The following AGL variants were observed in gnomAD, a reference collection of about 807,000 sequenced individuals.
AGL encodes glycogen debranching enzyme.
A neutral mutation model predicts 199.3 loss-of-function variants in AGL; 128 were observed. That is an observed-to-expected ratio of 0.64 (90% CI 0.56 to 0.74). The LOEUF (loss-of-function observed/expected upper bound fraction) is 0.74. Ranked by LOEUF, AGL falls within the 30% of genes least tolerant of loss-of-function variation. The pLI is 0.00. For synonymous variants in AGL, 584 were observed against 594.7 expected (o/e 0.98, Z 0.26); for missense variants, 1,809 against 1,820.8 (o/e 0.99, Z 0.12).
At chr1:99,892,833 C>CTT in intron 24 of AGL, among the ~76,000 whole-genome samples, 1 of 151,622 alleles carries the variant, frequency 6.6e-6, no homozygotes, top group East Asian at 1.9e-4. Flanking sequence ...CTAGCTGATT[C>CTT]TTCATGTTTC....
At chr1:99,852,980 C>T (rs550954766) in intron 2 of AGL, among the ~76,000 whole-genome samples, 3 of 152,114 alleles carry the variant, frequency 2.0e-5, no homozygotes, top group Non-Finnish European at 4.4e-5. Flanking sequence ...CTGTTTATTT[C>T]GTGGCATCTC....
rs768562668 is a variant in AGL, at chr1:99,892,627, G to A, written c.3259+20G>A. On this transcript the variant is annotated intron_variant, in intron 24 of 33. Transcript: ENST00000361915. ...CTGCAGGTAAGGAATTATGTACAAG[G>A]TTAAAATATGTAAATCGATAGTATT... 1 of 1,608,402 alleles carries A rather than the reference G, an allele frequency of 6.2e-7. No individual in the cohort carries two copies.
chr1:99,913,152 G>A (rs749423039), intron 29 of AGL, among the ~76,000 whole-genome samples: 47 of 152,094 alleles, frequency 3.1e-4, no homozygotes, highest in Non-Finnish European at 6.0e-4. Flanking sequence ...CCCAGGAAGC[G>A]GAGGTTGCGG....
chr1:99,904,900 C>CTAATACAA (rs1654138635), intron 27 of AGL, among the ~76,000 whole-genome samples: 1 of 152,122 alleles, frequency 6.6e-6, no homozygotes, highest in African/African-American at 2.4e-5. Flanking sequence ...GGGTTGTTTT[C>CTAATACAA]ATGTTTTGGC....
rs567792800 is a variant in AGL, at chr1:99,877,557, G to A, written c.1424-84G>A. ...ATCATTTATGGCAGAAATGATCAAA[G>A]CAATTTAAAAACCAGTGTTTCCTTG... On this transcript the variant is annotated intron_variant, in intron 11 of 33. Coordinates refer to ENST00000361915, the MANE Select transcript of AGL (RefSeq NM_000642.3). 127 of 1,258,646 alleles carry A rather than the reference G, an allele frequency of 1.0e-4. 1 individual carries two copies. In the South Asian group the frequency reaches 1.5e-3, roughly 15 times the overall value. The allele number at this position is 1,258,646 out of a possible 1,614,324, so 78.0% of individuals were successfully genotyped here. A position where few individuals can be genotyped will look rare whatever the true frequency, so the allele number is the denominator to read the frequency against.
chr1:99,915,263 C>T, intron 30 of AGL, 126 bp from the exon 31 acceptor site: 2 of 792,596 alleles, frequency 2.5e-6, no homozygotes, highest in Non-Finnish European at 4.4e-6. Context: ...TAGGCATCTA[C>T]ACTCAAATTC....
At position 99,915,392 on chromosome 1, in the gene AGL, C is replaced by G; in HGVS notation, c.4165C>G (p.Pro1389Ala). 1 of 1,613,300 alleles carries G rather than the reference C, an allele frequency of 6.2e-7. No individual in the cohort carries two copies. The highest frequency in any genetic ancestry group is 1.1e-5 in the South Asian group (1 of 91,066). ...ATTTGTTTTTGGCATTCACTAGGCC[C>G]CTGAGCTCTTTACTACAGAAAAAGC... is the stretch of plus-strand genomic sequence containing the variant. ...PNFTIAMVVA[P>A]ELFTTEKAWK... is the part of the protein sequence containing the mutation. The change falls in exon 31 of 34, where the codon CCT (proline) becomes GCT (alanine). Residue 1389 changes from proline to alanine, a missense_variant. Physicochemically the swap from Pro to Ala is conservative, Grantham distance 27. Transcript: ENST00000361915.
intron 20 of AGL, among the ~76,000 whole-genome samples, chr1:99,886,466 C>T (rs1412129199): frequency 6.7e-6 from 1 of 148,698 alleles, no homozygotes; most frequent in African/African-American, 2.5e-5. Flanking sequence ...GCCTGGGCAA[C>T]AGAGCAAGAC....
chr1:99,867,580 G>C (rs1328761020), intron 5 of AGL, among the ~76,000 whole-genome samples: 1 of 150,782 alleles, frequency 6.6e-6, no homozygotes, highest in East Asian at 1.9e-4. Context: ...TTTTGAGACG[G>C]AGTCTCCTTC....
chr1:99,852,008 T>A (rs1017013161), intron 2 of AGL, among the ~76,000 whole-genome samples: 1 of 152,236 alleles, frequency 6.6e-6, no homozygotes, highest in Admixed American at 6.5e-5. Flanking sequence ...CTTTCCTGAC[T>A]CTGCACTTTT....
At chr1:99,856,435 TG>T (rs1406048812) in intron 2 of AGL, among the ~76,000 whole-genome samples, 32 of 150,470 alleles carry the variant, frequency 2.1e-4, no homozygotes, top group African/African-American at 6.8e-4. Flanking sequence ...TTTCTTTTCT[TG>T]TATTTATTTA....
intron 7 of AGL, among the ~76,000 whole-genome samples, chr1:99,874,263 A>T (rs1347636493): frequency 3.3e-5 from 5 of 151,348 alleles, no homozygotes; most frequent in Admixed American, 3.3e-4. Flanking sequence ...TGTTTAAAAA[A>T]AAAAAAGGTA....
intron 4 of AGL, among the ~76,000 whole-genome samples, chr1:99,863,255 A>G (rs1035192025): frequency 2.0e-5 from 3 of 151,696 alleles, no homozygotes; most frequent in African/African-American, 7.3e-5. Flanking sequence ...CATTTTTGAT[A>G]CTTAACCATT....
At position 99,881,347 on chromosome 1, in the gene AGL, C is replaced by T. The variant is rs1652007941; in HGVS notation, c.2057C>T (p.Pro686Leu). The T allele has an allele frequency of 6.2e-7, 1 of 1,614,104 alleles. No individual in the cohort carries two copies. The highest frequency in any genetic ancestry group is 8.5e-7 in the Non-Finnish European group (1 of 1,180,006). Residue 686 changes from proline to leucine, a missense_variant, in exon 16 of 34, where the codon CCT becomes CTT. Pro to Leu is a moderately conservative substitution (Grantham distance 98, BLOSUM62 -3). Transcript: ENST00000361915. ...ACTAAGTGGAATCCTGAAGCATTGC[C>T]TTCAAACACAGGTGAAGTTAATTTC... ...FYTKWNPEAL[P>L]SNTGEVNFQS... is the part of the protein sequence containing the mutation.
chr1:99,861,026 A>G (rs1382189778), intron 2 of AGL, among the ~76,000 whole-genome samples: 3 of 152,220 alleles, frequency 2.0e-5, no homozygotes, highest in Admixed American at 1.3e-4. Flanking sequence ...CTTTCTCAGT[A>G]TGGTGAGATA....
intron 4 of AGL, among the ~76,000 whole-genome samples, chr1:99,863,803 G>T (rs1304619405): frequency 7.0e-6 from 1 of 142,804 alleles, no homozygotes; most frequent in Non-Finnish European, 1.5e-5. Flanking sequence ...CTGGAGTGCA[G>T]TGGCCTGATC....
chr1:99,913,668 A>T lies in AGL; in HGVS notation c.4091A>T (p.Asp1364Val), dbSNP rs1444814330. 3 of 1,614,038 alleles carry T rather than the reference A, an allele frequency of 1.9e-6. No individual in the cohort carries two copies. Among genetic ancestry groups the T allele is most frequent in the African/African-American group, 1.3e-5 (1 of 74,942 alleles). The change falls in exon 30 of 34, where the codon GAT (aspartate) becomes GTT (valine). Residue 1364 changes from aspartate to valine, a missense_variant. Physicochemically the swap from Asp to Val is radical, Grantham distance 152 (BLOSUM62 -3). Coordinates refer to ENST00000361915, the MANE Select transcript of AGL (RefSeq NM_000642.3). ...NLVHKRGIYK[D>V]SYGASSPWCD... ...GTTCACAAACGTGGCATATACAAAG[A>T]TAGTTATGGAGCTTCAAGTCCTTGG...
chr1:99,881,738 A>T, intron 17 of AGL, 47 bp downstream of exon 17: 1 of 1,446,040 alleles, frequency 6.9e-7, no homozygotes, highest in Non-Finnish European at 9.5e-7. Flanking sequence ...ATATTATTAT[A>T]TTAAATTATA....
At chr1:99,863,748 C>CTTT (rs11372707) in intron 4 of AGL, among the ~76,000 whole-genome samples, 27 of 118,864 alleles carry the variant, frequency 2.3e-4, no homozygotes, top group African/African-American at 4.7e-4. Flanking sequence ...TGCGCCTGGC[C>CTTT]TTTTTTTTTT....
Sources: allele counts gnomAD v4.1 joint callset (sites outside exome capture counted in the v4.1 genomes callset), GRCh38; gene constraint gnomAD v4.1.1; transcripts MANE v1.5; gene names NCBI Gene and HGNC (gene_info 2026-07-23, HGNC 2026-07-21).